FEZ2: variants seen among roughly 807,000 people sequenced by gnomAD.
FEZ2 encodes the protein fasciculation and elongation protein zeta 2.
In FEZ2, 51 loss-of-function variants were observed where a neutral mutation model predicts 40.4. That is an observed-to-expected ratio of 1.26 (90% CI 1.01 to 1.59). FEZ2 has a LOEUF of 1.59. FEZ2 is among the 40% of genes most tolerant of loss of function. FEZ2 has a pLI of 0.00. For synonymous variants in FEZ2, 242 were observed against 172.0 expected (o/e 1.41, Z -3.18); for missense variants, 640 against 438.3 (o/e 1.46, Z -4.11).
intron 3 of FEZ2, among the ~76,000 whole-genome samples, chr2:36,582,394 G>A (rs1211131894): frequency 6.6e-6 from 1 of 151,972 alleles, no homozygotes; most frequent in Non-Finnish European, 1.5e-5. Context: ...CTCCAAAACA[G>A]GAAATATAAT....
intron 5 of FEZ2, among the ~76,000 whole-genome samples, chr2:36,567,813 G>A (rs1282807686): frequency 6.6e-6 from 1 of 151,736 alleles, no homozygotes; most frequent in Admixed American, 6.6e-5. Context: ...TCAAAGAGTA[G>A]CAAGTAGGAG....
At chr2:36,574,393 T>A (rs536280522) in intron 5 of FEZ2, among the ~76,000 whole-genome samples, 1 of 152,276 alleles carries the variant, frequency 6.6e-6, no homozygotes, top group Non-Finnish European at 1.5e-5. Flanking sequence ...AGAAATTTAT[T>A]AGGTACCTAA....
intron 5 of FEZ2, among the ~76,000 whole-genome samples, chr2:36,573,388 T>C (rs1035041767): frequency 6.6e-6 from 1 of 152,338 alleles, no homozygotes; most frequent in Admixed American, 6.5e-5. Context: ...GTTCAACCTA[T>C]TCTTGTATTC....
chr2:36,573,535 G>A (rs1277836953), intron 5 of FEZ2, among the ~76,000 whole-genome samples: 1 of 152,196 alleles, frequency 6.6e-6, no homozygotes, highest in Admixed American at 6.5e-5. Context: ...TCAATCTCCT[G>A]TACACTGAAG....
chr2:36,591,441 A>G (rs1488401983), intron 1 of FEZ2: 1 of 158,740 alleles, frequency 6.3e-6, no homozygotes. Flanking sequence ...AATAATAAAT[A>G]CAACTGTGCA....
intron 4 of FEZ2, 66 bp downstream of exon 4, chr2:36,581,224 G>A (rs1301758539): frequency 1.4e-6 from 2 of 1,394,268 alleles, no homozygotes; most frequent in South Asian, 2.5e-5. Flanking sequence ...TTCTGGAGAT[G>A]ATCATACTAT....
chr2:36,585,576 G>A (rs1399530553), intron 2 of FEZ2, among the ~76,000 whole-genome samples: 1 of 152,150 alleles, frequency 6.6e-6, no homozygotes, highest in Non-Finnish European at 1.5e-5. Flanking sequence ...GAGTTCTACG[G>A]CTCTATTGAG....
In FEZ2 at chr2:36,567,654, C is replaced by G. The variant is rs369572644; in HGVS notation, c.904-9141G>C. 5.1e-3 allele frequency among the ~76,000 whole-genome samples: 780 copies of G among 151,706 alleles called. 5 individuals are homozygous for G. The highest frequency in any genetic ancestry group is 0.018 in the African/African-American group (739 of 41,308). The stretch of plus-strand genomic sequence containing the variant: ...GCGGGTGCCTGTAATCCCAGCTACT[C>G]GAGAGGCTCAGGCAGGAGAATCACT... On this transcript the variant is annotated intron_variant, in intron 5 of 7. Transcript: ENST00000405912.
Position 36,597,942 on chromosome 2 carries a change from C to G in FEZ2, c.201G>C (p.Pro67=), listed in dbSNP as rs1430858661. 9 of 1,449,286 alleles carry G rather than the reference C, an allele frequency of 6.2e-6. No homozygotes were observed. The highest frequency in any genetic ancestry group is 3.0e-5 in the East Asian group (1 of 33,618). 89.8% of individuals were successfully genotyped at this position (1,449,286 alleles called of 1,614,324 possible). A position where few individuals can be genotyped will look rare whatever the true frequency, so the allele number is the denominator to read the frequency against. ...KLSLCFRPSD[P]GAEPPRTAVR... The stretch of plus-strand genomic sequence containing the variant: ...CGGCCGTCCTCGGGGGCTCGGCGCC[C>G]GGATCCGAGGGGCGGAAGCACAGGC... Residue 67 remains proline, a synonymous_variant, in exon 1 of 8, where the codon CCG becomes CCC. Transcript: ENST00000405912.
At chr2:36,575,220 C>A (rs1374400142) in intron 5 of FEZ2, among the ~76,000 whole-genome samples, 1 of 152,100 alleles carries the variant, frequency 6.6e-6, no homozygotes, top group Non-Finnish European at 1.5e-5. Flanking sequence ...TTGTTTGAGA[C>A]AAGGTCGGGC....
intron 5 of FEZ2, among the ~76,000 whole-genome samples, chr2:36,570,613 C>A (rs1668380567): frequency 6.6e-6 from 1 of 152,092 alleles, no homozygotes; most frequent in Non-Finnish European, 1.5e-5. Context: ...GTCGTATAGA[C>A]CATGACAGAG....
chr2:36,553,202 A>C (rs569541282), intron 7 of FEZ2, 23 bp from the exon 8 acceptor site: 1 of 1,522,104 alleles, frequency 6.6e-7, no homozygotes, highest in African/African-American at 1.4e-5. Flanking sequence ...GAGAACTTTT[A>C]GCTACAAATG....
At chr2:36,590,684 G>C (rs1669045297) in intron 2 of FEZ2, 2 of 464,448 alleles carry the variant, frequency 4.3e-6, no homozygotes, top group Admixed American at 8.0e-5. Flanking sequence ...TGGAAATTTA[G>C]CTACACATAA....
intron 2 of FEZ2, among the ~76,000 whole-genome samples, chr2:36,586,465 T>A (rs114135169): frequency 1.3e-5 from 2 of 152,076 alleles, no homozygotes; most frequent in East Asian, 1.9e-4. Flanking sequence ...TGAAACCCCA[T>A]TGCTACAAAA....
At position 36,581,305 on chromosome 2, in the gene FEZ2, C is replaced by T. The variant is rs781202356; in HGVS notation, c.619G>A (p.Gly207Ser). The change falls in exon 4 of 8, where the codon GGC (glycine) becomes AGC (serine). Residue 207 changes from glycine (G) to serine (S), a missense_variant. Gly to Ser is a moderately conservative substitution (Grantham distance 56, BLOSUM62 0). Transcript: ENST00000405912. Reference protein sequence around the residue: ...EIQTLKRSSTGSYEERVKRLS... With the variant: ...EIQTLKRSSTSSYEERVKRLS... ...GCTCCCTTACTCTCTTCATAACTGC[C>T]GGTACTAGACCTCTTGAGAGTTTGA... 21 of 1,613,606 alleles carry T rather than the reference C, an allele frequency of 1.3e-5. No individual in the cohort carries two copies. The highest frequency in any genetic ancestry group is 1.7e-5 in the Admixed American group (1 of 59,972).
chr2:36,561,137 T>G (rs920225535), intron 5 of FEZ2, among the ~76,000 whole-genome samples: 1 of 152,274 alleles, frequency 6.6e-6, no homozygotes, highest in East Asian at 1.9e-4. Flanking sequence ...ATGTAAATGT[T>G]GTAAGTTGTA....
chr2:36,595,871 T>G (rs1669206756), intron 1 of FEZ2, among the ~76,000 whole-genome samples: 1 of 152,222 alleles, frequency 6.6e-6, no homozygotes, highest in Non-Finnish European at 1.5e-5. Context: ...AAAATATTTT[T>G]AAGCAAAGGC....
intron 1 of FEZ2, among the ~76,000 whole-genome samples, chr2:36,593,551 C>T (rs968802815): frequency 6.6e-6 from 1 of 152,108 alleles, no homozygotes; most frequent in Non-Finnish European, 1.5e-5. Context: ...TTGGGGCTTG[C>T]ACCCTCTGAA....
intron 1 of FEZ2, 78 bp downstream of exon 1, chr2:36,597,799 G>A: frequency 4.0e-6 from 4 of 1,007,940 alleles, no homozygotes; most frequent in Middle Eastern, 3.5e-4. Flanking sequence ...GCAGGGAGGA[G>A]CTGCGGCCGT....
Sources: gnomAD v4.1 joint callset for allele counts (sites outside exome capture counted in the v4.1 genomes callset) on GRCh38, gnomAD v4.1.1 for gene constraint, MANE v1.5 for transcripts, NCBI Gene and HGNC (gene_info 2026-07-23, HGNC 2026-07-21) for gene names.